The following SRCAP variants were observed in gnomAD, a reference collection of about 807,000 sequenced individuals.
SRCAP encodes the protein chromatin remodeling protein SRCAP.
SRCAP carries 46 observed loss-of-function variants against 263.1 expected under a neutral mutation model. The observed-to-expected ratio is 0.17, with a 90% CI of 0.14 to 0.22. The LOEUF is 0.22. SRCAP is among the 10% of genes least tolerant of loss of function. SRCAP has a pLI of 1.00. For synonymous variants in SRCAP, 1,813 were observed against 1,662.1 expected, an observed-to-expected ratio of 1.09 and a Z score of -2.21; for missense variants, 3,695 against 4,181.9, an observed-to-expected ratio of 0.88 and a Z score of 3.21.
chr16:30,703,502 T>C (rs1596639904), intron 3 of SRCAP, among the ~76,000 whole-genome samples: 1 of 151,406 alleles, frequency 6.6e-6, no homozygotes, highest in African/African-American at 2.4e-5. Flanking sequence ...CCTATATATA[T>C]ATATATTTTT....
Position 30,737,694 on chromosome 16 carries a change from G to A in SRCAP, c.7654G>A (p.Glu2552Lys). 4 of 1,614,160 alleles carry A rather than the reference G, an allele frequency of 2.5e-6. No individual in the cohort carries two copies. The highest frequency in any genetic ancestry group is 1.6e-4 in the Middle Eastern group (1 of 6,062). ...CCCCTTGGGCTTGAGGCCTGAGGCA[G>A]AGCTGTGTGCCCAGGCATTGGCATC... ...NLPLGLRPEA[E>K]LCAQALASPE... Residue 2552 changes from glutamate to lysine, a missense_variant, in exon 34 of 34, where the codon GAG becomes AAG. Physicochemically the swap from Glu to Lys is moderately conservative, Grantham distance 56. This residue lies in a region of SRCAP where 1,207 missense variants were observed against 1,142.9 expected (regional missense o/e 1.06). Coordinates refer to ENST00000262518, the MANE Select transcript of SRCAP (RefSeq NM_006662.3).
chr16:30,710,908 A>G, intron 9 of SRCAP, 61 bp downstream of exon 9: 1 of 1,601,966 alleles, frequency 6.2e-7, no homozygotes, highest in Admixed American at 1.7e-5. Flanking sequence ...TCTGGACCTA[A>G]CCTTTCAGGC....
chr16:30,699,415 C>T (rs557228052), intron 1 of SRCAP, among the ~76,000 whole-genome samples, 173 bp downstream of exon 1: 71 of 152,312 alleles, frequency 4.7e-4, no homozygotes, highest in African/African-American at 1.6e-3. Flanking sequence ...TTTGACTGCT[C>T]CTGAGTCTCC....
intron 14 of SRCAP, 87 bp from the exon 15 acceptor site, chr16:30,713,121 A>T: frequency 7.2e-7 from 1 of 1,387,848 alleles, no homozygotes; most frequent in South Asian, 1.2e-5. Flanking sequence ...CAACCTGATT[A>T]CTGTCCTTTG....
In SRCAP at chr16:30,723,122, G is replaced by C; in HGVS notation, c.4052G>C (p.Gly1351Ala). Residue 1351 changes from glycine to alanine, a missense_variant, in exon 24 of 34, where the codon GGC becomes GCC. Gly to Ala is a moderately conservative substitution (Grantham distance 60). Around this residue, in one of 12 missense-constraint regions of SRCAP, gnomAD observed 1,347 missense variants for 1,304.4 expected, o/e 1.03. Coordinates refer to ENST00000262518, the MANE Select transcript of SRCAP (RefSeq NM_006662.3). Reference protein sequence around the residue: ...VLNPRPTLTPGRLPTPTLGTA... With the variant: ...VLNPRPTLTPARLPTPTLGTA... ...AATCCACGCCCCACGTTAACCCCTG[G>C]CCGGCTACCCACACCTACTCTGGGT... The C allele has an allele frequency of 6.2e-7, 1 of 1,614,018 alleles. No homozygotes were observed. The highest frequency in any genetic ancestry group is 1.1e-5 in the South Asian group (1 of 91,066).
In SRCAP at chr16:30,738,976, C is replaced by T. The variant is rs1261594195; in HGVS notation, c.8936C>T (p.Pro2979Leu). The change falls in exon 34 of 34, where the codon CCA becomes CTA. Residue 2979 changes from proline to leucine, a missense_variant. Around this residue, in one of 12 missense-constraint regions of SRCAP, gnomAD observed 1,207 missense variants for 1,142.9 expected, o/e 1.06. Transcript: ENST00000262518. ...PPHPSPLTPL[P>L]PLLVCPTATV... is the part of the protein sequence containing the mutation. ...CACCCATCACCCCTAACCCCACTCC[C>T]ACCACTGCTAGTTTGTCCCACTGCT... is the stretch of plus-strand genomic sequence containing the variant. The T allele has an allele frequency of 1.2e-6, 2 of 1,613,680 alleles. No homozygotes were observed. Among genetic ancestry groups the T allele is most frequent in the African/African-American group, 2.7e-5 (2 of 74,942 alleles).
At chr16:30,701,952 C>CTTTT (rs1390062542) in intron 3 of SRCAP, among the ~76,000 whole-genome samples, 3 of 139,496 alleles carry the variant, frequency 2.2e-5, no homozygotes, top group African/African-American at 5.2e-5. Context: ...TTCTTTCTTT[C>CTTTT]TTTTTTTTTT....
At position 30,739,298 on chromosome 16, in the gene SRCAP, G is replaced by T. The variant is rs1279731187; in HGVS notation, c.9258G>T (p.Val3086=). 2.5e-6 allele frequency: 4 copies of T among 1,614,164 alleles called. No individual in the cohort carries two copies. The highest frequency in any genetic ancestry group is 3.4e-6 in the Non-Finnish European group (4 of 1,180,016). The change falls in exon 34 of 34, where the codon GTG becomes GTT. Residue 3086 remains valine, a synonymous_variant. Transcript: ENST00000262518. ...GACGGAAGAGTGGAGGGTCCATGGT[G>T]GTGGCTGTAATTCAGGATGACCTGG... ...MRGRKSGGSM[V]VAVIQDDLDL...
Position 30,738,172 on chromosome 16 carries a change from C to T in SRCAP, c.8132C>T (p.Pro2711Leu). 1.9e-6 allele frequency: 3 copies of T among 1,614,202 alleles called. No individual in the cohort carries two copies. The highest frequency in any genetic ancestry group is 2.5e-6 in the Non-Finnish European group (3 of 1,180,036). Residue 2711 changes from proline (P) to leucine (L), a missense_variant, in exon 34 of 34, where the codon CCT becomes CTT. Around this residue, in one of 12 missense-constraint regions of SRCAP, gnomAD observed 1,207 missense variants for 1,142.9 expected, o/e 1.06. Transcript: ENST00000262518. ...PSTSSSATSS[P>L]EGPSPARPPR... ...ACCTCATCTTCAGCCACTTCCTCGC[C>T]TGAGGGTCCTTCACCTGCCCGACCT...
chr16:30,735,905 T>C (rs2053156663), intron 31 of SRCAP, among the ~76,000 whole-genome samples: 1 of 151,564 alleles, frequency 6.6e-6, no homozygotes, highest in South Asian at 2.1e-4. Context: ...TTCACATCTT[T>C]CTGTGGTGGC....
In SRCAP at chr16:30,733,489, C is replaced by A. The variant is rs2053131664; in HGVS notation, c.6297+40C>A. The A allele has an allele frequency of 6.2e-7, 1 of 1,611,518 alleles. No homozygotes were observed. Among genetic ancestry groups the A allele is most frequent in the African/African-American group, 1.3e-5 (1 of 74,946 alleles). ...TGCAGCTCTTAGAGGCTCACCTCCGCTTCTCTCTCCTTTTCCCAGGATTTG... is the reference window on the plus strand; with the variant it reads ...TGCAGCTCTTAGAGGCTCACCTCCGATTCTCTCTCCTTTTCCCAGGATTTG... On this transcript the variant is annotated intron_variant, in intron 28 of 33. Coordinates refer to ENST00000262518, the MANE Select transcript of SRCAP (RefSeq NM_006662.3). The surrounding 1 kb of genome is among the most constrained non-coding windows in gnomAD (Gnocchi z 5.3).
At position 30,738,335 on chromosome 16, in the gene SRCAP, G is replaced by A. The variant is rs1247511221; in HGVS notation, c.8295G>A (p.Arg2765=). Residue 2765 remains arginine, a synonymous_variant, in exon 34 of 34, where the codon CGG becomes CGA. Coordinates refer to ENST00000262518, the MANE Select transcript of SRCAP (RefSeq NM_006662.3). ...VTVVEEKELV[R]RRRQQRGAAS... ...TGGTAGAGGAAAAGGAACTGGTGCGGCGGCGGCGGCAGCAGCGGGGAGCTG... is the reference window on the plus strand; with the variant it reads ...TGGTAGAGGAAAAGGAACTGGTGCGACGGCGGCGGCAGCAGCGGGGAGCTG... 3 of 1,576,796 alleles carry A rather than the reference G, an allele frequency of 1.9e-6. No individual in the cohort carries two copies. The highest frequency in any genetic ancestry group is 2.3e-5 in the South Asian group (2 of 85,316).
In SRCAP at chr16:30,716,384, G is replaced by A. The variant is rs766743134; in HGVS notation, c.2722G>A (p.Asp908Asn). The change falls in exon 18 of 34, where the codon GAC (aspartate) becomes AAC (asparagine). Residue 908 changes from aspartate (D) to asparagine (N), a missense_variant. This residue lies in a region of SRCAP where 147 missense variants were observed against 212.7 expected (regional missense o/e 0.69). Coordinates refer to ENST00000262518, the MANE Select transcript of SRCAP (RefSeq NM_006662.3). ...RKVCNHPNLFDPRPVTSPFIT... is the reference protein window; with the variant it reads ...RKVCNHPNLFNPRPVTSPFIT... Reference sequence around the variant, plus strand: ...AGTTTGCAATCATCCAAATCTGTTCGACCCTCGACCGGTTACCTCCCCTTT... The same window carrying A: ...AGTTTGCAATCATCCAAATCTGTTCAACCCTCGACCGGTTACCTCCCCTTT... 5.6e-6 allele frequency: 9 copies of A among 1,613,992 alleles called. No individual in the cohort carries two copies. The highest frequency in any genetic ancestry group is 1.6e-4 in the Middle Eastern group (1 of 6,084).
rs764524127 is a variant in SRCAP at position 30,713,216 on chromosome 16, C to A, written c.2139C>A (p.Thr713=). 5 of 1,613,928 alleles carry A rather than the reference C, an allele frequency of 3.1e-6. No homozygotes were observed. ...TGTCTTTGATCCCTCAGGGCTGGAC[C>A]AAGCCCAATGCCTTTCATGTGTGTA... is the stretch of plus-strand genomic sequence containing the variant. ...KERKLKRQGW[T]KPNAFHVCIT... Residue 713 remains threonine (T), a synonymous_variant, in exon 15 of 34, where the codon ACC becomes ACA. Coordinates refer to ENST00000262518, the MANE Select transcript of SRCAP (RefSeq NM_006662.3).
chr16:30,734,583 G>A lies in SRCAP; in HGVS notation c.6697G>A (p.Val2233Met). 1.2e-6 allele frequency: 2 copies of A among 1,614,074 alleles called. No individual in the cohort carries two copies. The highest frequency in any genetic ancestry group is 2.2e-5 in the East Asian group (1 of 44,872). The change falls in exon 31 of 34, where the codon GTG becomes ATG. Residue 2233 changes from valine (V) to methionine (M), a missense_variant. Coordinates refer to ENST00000262518, the MANE Select transcript of SRCAP (RefSeq NM_006662.3). ...TGCCCCTGAAGAGGAGGAAGAGACT[G>A]TGGCCAGCAAGCAGACTCATATTCT... is the stretch of plus-strand genomic sequence containing the variant. ...PSAPEEEEET[V>M]ASKQTHILEQ... is the part of the protein sequence containing the mutation.
Position 30,712,031 on chromosome 16 carries a change from G to A in SRCAP, c.1689G>A (p.Glu563=). The change falls in exon 12 of 34, where the codon GAG becomes GAA. Residue 563 remains glutamate (E), a synonymous_variant. Coordinates refer to ENST00000262518, the MANE Select transcript of SRCAP (RefSeq NM_006662.3). ...TTGCCAGGGATGAAGAGCAGAGTGA[G>A]GCAGATGCAGGCAGTGGGCCTCCTA... The part of the protein sequence containing the change: ...YLLARDEEQS[E]ADAGSGPPTP... The A allele has an allele frequency of 6.2e-7, 1 of 1,614,024 alleles. No homozygotes were observed. Among genetic ancestry groups the A allele is most frequent in the East Asian group, 2.2e-5 (1 of 44,864 alleles).
chr16:30,700,182 T>C, intron 2 of SRCAP, among the ~76,000 whole-genome samples: 1 of 152,252 alleles, frequency 6.6e-6, no homozygotes, highest in East Asian at 1.9e-4. Context: ...AACCTGGCTC[T>C]ACCAGGAAGA....
intron 8 of SRCAP, 144 bp downstream of exon 8, chr16:30,710,272 G>A (rs1321592920): frequency 3.3e-6 from 3 of 907,030 alleles, no homozygotes; most frequent in Non-Finnish European, 5.0e-6. Context: ...GATGACTGGG[G>A]AAGAATCTGT....
chr16:30,723,295 G>A, intron 24 of SRCAP, 66 bp downstream of exon 24: 1 of 1,529,244 alleles, frequency 6.5e-7, no homozygotes, highest in South Asian at 1.3e-5. Flanking sequence ...GTCGCCTCAA[G>A]GTTTCTTAGT....
Sources: gnomAD v4.1 joint callset for allele counts (sites outside exome capture counted in the v4.1 genomes callset) on GRCh38, gnomAD v4.1.1 for gene constraint, gnomAD v4.1.1 regional missense constraint, Gnocchi (gnomAD v3.1) non-coding constraint, MANE v1.5 for transcripts, NCBI Gene and HGNC (gene_info 2026-07-23, HGNC 2026-07-21) for gene names.